The following SH3KBP1 variants were observed in gnomAD, a reference collection of about 807,000 sequenced individuals.
SH3KBP1 encodes the protein SH3 domain containing kinase binding protein 1, also known as SH3 domain-containing kinase-binding protein 1.
SH3KBP1 carries 8 observed loss-of-function variants against 50.1 expected under a neutral mutation model. The ratio of observed to expected loss-of-function variants is 0.16; its 90% CI spans 0.09 to 0.29. The LOEUF is 0.29. SH3KBP1 is among the 10% of genes least tolerant of loss of function. The probability of loss-of-function intolerance (pLI) is 1.00; values close to 1 mark genes in which losing one functional copy is unlikely to be tolerated. For synonymous variants in SH3KBP1, 227 were observed against 218.6 expected, an observed-to-expected ratio of 1.04 and a Z score of -0.34; for missense variants, 377 against 535.2, an observed-to-expected ratio of 0.70 and a Z score of 2.92.
chrX:19,687,090 G>A (rs1165832667), intron 5 of SH3KBP1, among the ~76,000 whole-genome samples: 1 of 112,842 alleles, frequency 8.9e-6, no homozygotes, highest in Non-Finnish European at 1.9e-5. Flanking sequence ...CATTGGTCCT[G>A]CCAAAAAAAG....
At chrX:19,575,534 C>T (rs1018905570) in intron 12 of SH3KBP1, among the ~76,000 whole-genome samples, 1 of 111,639 alleles carries the variant, frequency 9.0e-6, no homozygotes, top group Non-Finnish European at 1.9e-5. Flanking sequence ...TCTCTCCAGT[C>T]TCTCCAACTG....
intron 2 of SH3KBP1, among the ~76,000 whole-genome samples, chrX:19,758,481 A>T (rs2065283150): frequency 9.0e-6 from 1 of 111,440 alleles, no homozygotes; most frequent in Non-Finnish European, 1.9e-5. Flanking sequence ...TTTGGTGCCC[A>T]GAGTACAAGT....
intron 7 of SH3KBP1, among the ~76,000 whole-genome samples, chrX:19,637,805 G>A (rs1456905982): frequency 9.9e-5 from 11 of 110,748 alleles, no homozygotes; most frequent in African/African-American, 2.3e-4. Flanking sequence ...CTGGCCGGGC[G>A]CGGTGGCTCA....
intron 6 of SH3KBP1, among the ~76,000 whole-genome samples, chrX:19,646,224 GTTCAT>G (rs2061986532): frequency 8.9e-6 from 1 of 112,057 alleles, no homozygotes; most frequent in Admixed American, 9.5e-5. Flanking sequence ...TTTGTTTTGA[GTTCAT>G]TTCCTTTCCT....
intron 4 of SH3KBP1, among the ~76,000 whole-genome samples, chrX:19,706,370 C>T (rs1316997764): frequency 9.0e-6 from 1 of 110,849 alleles, no homozygotes; most frequent in Non-Finnish European, 1.9e-5. Flanking sequence ...CCTGCGTCTT[C>T]TAGGGTCTCT....
intron 3 of SH3KBP1, among the ~76,000 whole-genome samples, chrX:19,722,288 G>T (rs941778198): frequency 2.7e-5 from 3 of 111,585 alleles, no homozygotes; most frequent in Non-Finnish European, 5.7e-5. Context: ...GCTTGGCTGA[G>T]CTCAATGCCC....
chrX:19,874,817 G>A (rs913133599), intron 1 of SH3KBP1, among the ~76,000 whole-genome samples: 2 of 105,371 alleles, frequency 1.9e-5, no homozygotes, highest in African/African-American at 3.5e-5. Context: ...GGGGTGCAGG[G>A]GAATGGGAGA....
At chrX:19,802,643 T>G (rs1278650840) in intron 2 of SH3KBP1, among the ~76,000 whole-genome samples, 1 of 111,206 alleles carries the variant, frequency 9.0e-6, no homozygotes, top group African/African-American at 3.3e-5. Flanking sequence ...CTGTTCACAC[T>G]CACACTATAC....
In SH3KBP1 at chrX:19,614,169, G is replaced by A. The variant is rs764592176; in HGVS notation, c.898-6124C>T. On this transcript the variant is annotated intron_variant, in intron 8 of 17. Coordinates refer to ENST00000397821, the MANE Select transcript of SH3KBP1 (RefSeq NM_031892.3). Reference sequence around the variant, plus strand: ...CCAAGGGGAGGGATGCCAAGGCCCCGGGGTGTGTCTGAGGAAGGAGGCCTT... The same window carrying A: ...CCAAGGGGAGGGATGCCAAGGCCCCAGGGTGTGTCTGAGGAAGGAGGCCTT... Among the ~76,000 whole-genome samples the A allele has an allele frequency of 1.4e-4, 16 of 112,833 alleles. No homozygotes were observed. In the South Asian group the frequency reaches 4.7e-3, roughly 33 times the overall value.
At chrX:19,542,280 C>G in intron 15 of SH3KBP1, 87 bp from the exon 16 acceptor site, 1 of 886,200 alleles carries the variant, frequency 1.1e-6, no homozygotes, top group Non-Finnish European at 1.5e-6. Flanking sequence ...TCCGTTAACA[C>G]CACTGTCCCC....
chrX:19,535,033 C>T lies in SH3KBP1; in HGVS notation c.*1384G>A, dbSNP rs1249375943. On this transcript the variant is annotated 3_prime_UTR_variant, in exon 18 of 18. Transcript: ENST00000397821. ...AAGAGACAAAGCAGCTTTTGAGAAA[C>T]ACATCCAACATCTTCAGGGGCCATT... 11 of 295,893 alleles carry T rather than the reference C, an allele frequency of 3.7e-5. No individual in the cohort carries two copies. The highest frequency in any genetic ancestry group is 5.3e-5 in the Non-Finnish European group (9 of 170,150). The allele number at this position is 295,893 out of a possible 1,213,427, so 24.4% of individuals were successfully genotyped here.
At chrX:19,626,592 G>A (rs2068029046) in intron 8 of SH3KBP1, among the ~76,000 whole-genome samples, 2 of 109,504 alleles carry the variant, frequency 1.8e-5, no homozygotes, top group Admixed American at 9.7e-5. Context: ...TTGGGGGACA[G>A]GGTCTCACTC....
At chrX:19,622,770 G>A (rs1015451718) in intron 8 of SH3KBP1, among the ~76,000 whole-genome samples, 2 of 112,241 alleles carry the variant, frequency 1.8e-5, no homozygotes, top group African/African-American at 3.2e-5. Context: ...GGGCCAGGCC[G>A]AGTGGCTCAC....
intron 3 of SH3KBP1, among the ~76,000 whole-genome samples, chrX:19,710,339 C>T (rs1257275322): frequency 9.0e-6 from 1 of 111,626 alleles, no homozygotes; most frequent in African/African-American, 3.3e-5. Context: ...CCACAGACAG[C>T]GTTGTGACTC....
chrX:19,722,839 A>G (rs1293297350), intron 3 of SH3KBP1, among the ~76,000 whole-genome samples: 2 of 108,463 alleles, frequency 1.8e-5, no homozygotes, highest in Non-Finnish European at 3.8e-5. Flanking sequence ...AAAGAAGTCT[A>G]AAAAAAATGT....
chrX:19,584,512 T>C (rs1400200028), intron 12 of SH3KBP1, among the ~76,000 whole-genome samples: 3 of 107,669 alleles, frequency 2.8e-5, no homozygotes, highest in African/African-American at 1.0e-4. Context: ...AAAAATTTTT[T>C]TGTAGAGATG....
chrX:19,604,027 A>G (rs1569331893), intron 9 of SH3KBP1, among the ~76,000 whole-genome samples: 1 of 110,916 alleles, frequency 9.0e-6, no homozygotes, highest in Non-Finnish European at 1.9e-5. Flanking sequence ...ACCTATTCTA[A>G]TTTTGTTCTT....
intron 1 of SH3KBP1, among the ~76,000 whole-genome samples, chrX:19,887,096 G>T (rs967521082): frequency 3.6e-5 from 4 of 111,600 alleles, no homozygotes; most frequent in African/African-American, 1.3e-4. Context: ...AGGCCCCCGC[G>T]GGTTCCCGTC....
chrX:19,585,405 T>C (rs1211989426), intron 12 of SH3KBP1, among the ~76,000 whole-genome samples: 2 of 111,968 alleles, frequency 1.8e-5, no homozygotes, highest in South Asian at 3.7e-4. Context: ...AAACACACTC[T>C]TGATCTGCTT....
Sources: allele counts gnomAD v4.1 joint callset (sites outside exome capture counted in the v4.1 genomes callset), GRCh38; gene constraint gnomAD v4.1.1; transcripts MANE v1.5; gene names NCBI Gene and HGNC (gene_info 2026-07-23, HGNC 2026-07-21).